The following OLA1 variants were observed in gnomAD, a reference collection of about 807,000 sequenced individuals.
OLA1 encodes the protein Obg like ATPase 1.
A neutral mutation model predicts 48.4 loss-of-function variants in OLA1; 14 were observed. That is an observed-to-expected ratio of 0.29 (90% CI 0.19 to 0.45). OLA1 has a LOEUF of 0.45. OLA1 is among the 20% of genes least tolerant of loss of function. The pLI is 1.00. For synonymous variants in OLA1, 127 were observed against 150.4 expected, an observed-to-expected ratio of 0.84 and a Z score of 1.14; for missense variants, 325 against 467.1, an observed-to-expected ratio of 0.70 and a Z score of 2.80.
intron 7 of OLA1, among the ~76,000 whole-genome samples, chr2:174,102,382 T>C (rs1386209407): frequency 6.6e-6 from 1 of 151,702 alleles, no homozygotes; most frequent in Non-Finnish European, 1.5e-5. Context: ...GGAAGAGTCA[T>C]GGCCGACAGA....
chr2:174,122,013 A>G (rs1685926138), intron 7 of OLA1, among the ~76,000 whole-genome samples: 2 of 152,218 alleles, frequency 1.3e-5, no homozygotes, highest in South Asian at 4.1e-4. Context: ...CCTAAAGGTA[A>G]CAATTTTTAA....
At chr2:174,230,114 G>C (rs568023974) in intron 2 of OLA1, among the ~76,000 whole-genome samples, 1 of 151,958 alleles carries the variant, frequency 6.6e-6, no homozygotes, top group East Asian at 1.9e-4. Context: ...CAAGTAATAC[G>C]TGCTCAGAGA....
intron 4 of OLA1, among the ~76,000 whole-genome samples, chr2:174,150,704 C>T (rs959006817): frequency 1.3e-5 from 2 of 152,168 alleles, no homozygotes. Context: ...TTGGAGAAAG[C>T]CTCCTTATAT....
chr2:174,134,889 T>A (rs1422180377), intron 5 of OLA1, among the ~76,000 whole-genome samples: 1 of 152,076 alleles, frequency 6.6e-6, no homozygotes, highest in Non-Finnish European at 1.5e-5. Context: ...GGGCCGGGCG[T>A]GGTGGCTCAT....
chr2:174,123,331 TA>T (rs1685963661), intron 6 of OLA1, 54 bp from the exon 7 acceptor site: 1 of 796,204 alleles, frequency 1.3e-6, no homozygotes, highest in Non-Finnish European at 2.0e-6. Context: ...AAATATGGAG[TA>T]AATCACTGAA....
At chr2:174,181,917 T>A (rs1168813665) in intron 4 of OLA1, among the ~76,000 whole-genome samples, 2 of 152,214 alleles carry the variant, frequency 1.3e-5, no homozygotes, top group Non-Finnish European at 2.9e-5. Context: ...TTATTGTCTA[T>A]CTCCCTCCTT....
intron 5 of OLA1, among the ~76,000 whole-genome samples, chr2:174,137,801 T>C (rs1334540067): frequency 6.6e-6 from 1 of 152,260 alleles, no homozygotes; most frequent in Non-Finnish European, 1.5e-5. Context: ...AGGACCTTGC[T>C]CTGGAATAGT....
At chr2:174,239,900 A>G (rs1355520200) in intron 2 of OLA1, among the ~76,000 whole-genome samples, 1 of 151,986 alleles carries the variant, frequency 6.6e-6, no homozygotes, top group Non-Finnish European at 1.5e-5. Flanking sequence ...TCTCAAAAAA[A>G]AAACAAAAAA....
intron 4 of OLA1, among the ~76,000 whole-genome samples, chr2:174,214,641 T>A (rs1688320575): frequency 6.6e-6 from 1 of 152,068 alleles, no homozygotes; most frequent in African/African-American, 2.4e-5. Flanking sequence ...AACACAAGAG[T>A]CTTGCCATTT....
intron 4 of OLA1, among the ~76,000 whole-genome samples, chr2:174,179,221 C>T (rs67797182): frequency 0.26 from 39,294 of 150,730 alleles, 7,217 homozygotes; most frequent in East Asian, 0.71. Context: ...AACGTGCTAA[C>T]GAAATTCCTA....
At position 174,081,239 on chromosome 2, in the gene OLA1, T is replaced by C; in HGVS notation, c.879A>G (p.Pro293=). 6.2e-7 allele frequency: 1 copy of C among 1,610,518 alleles called. No individual in the cohort carries two copies. Among genetic ancestry groups the C allele is most frequent in the South Asian group, 1.1e-5 (1 of 90,944 alleles). Residue 293 remains proline (P), a synonymous_variant, in exon 9 of 11, where the codon CCA becomes CCG. Transcript: ENST00000284719. ...LEANMTQSAL[P]KIIKAGFAAL... is the part of the protein sequence containing the mutation. ...CTGCAAACCCAGCCTTAATGATCTT[T>C]GGCAAAGCACTGAAATCAAATGAAA...
intron 4 of OLA1, among the ~76,000 whole-genome samples, chr2:174,147,574 ATTTC>A (rs1225071906): frequency 6.6e-6 from 1 of 152,192 alleles, no homozygotes; most frequent in African/African-American, 2.4e-5. Context: ...CTTCTGTATT[ATTTC>A]TTTTTCTTTC....
intron 4 of OLA1, among the ~76,000 whole-genome samples, chr2:174,221,118 C>T (rs372548175): frequency 3.7e-4 from 57 of 152,094 alleles, no homozygotes; most frequent in African/African-American, 1.3e-3. Context: ...TTCTAAGATG[C>T]GTATTTTGGC....
At chr2:174,121,217 A>G (rs1685907023) in intron 7 of OLA1, among the ~76,000 whole-genome samples, 1 of 152,226 alleles carries the variant, frequency 6.6e-6, no homozygotes, top group Non-Finnish European at 1.5e-5. Flanking sequence ...AAGCTGTAGC[A>G]GAGTGGCTGA....
intron 4 of OLA1, among the ~76,000 whole-genome samples, chr2:174,213,466 T>C (rs1330926213): frequency 1.3e-5 from 2 of 152,070 alleles, no homozygotes; most frequent in African/African-American, 2.4e-5. Context: ...GTTAAGAATC[T>C]TTACTCAGTG....
intron 7 of OLA1, among the ~76,000 whole-genome samples, chr2:174,112,414 GA>G (rs775953540): frequency 7.9e-5 from 12 of 152,190 alleles, no homozygotes; most frequent in Non-Finnish European, 1.6e-4. Context: ...GGTCAAGTGT[GA>G]AGTGTTGACT....
At chr2:174,211,230 C>T (rs1319755668) in intron 4 of OLA1, among the ~76,000 whole-genome samples, 1 of 151,886 alleles carries the variant, frequency 6.6e-6, no homozygotes, top group Non-Finnish European at 1.5e-5. Flanking sequence ...CTCTTTCTCT[C>T]ACTACACTAA....
intron 4 of OLA1, among the ~76,000 whole-genome samples, chr2:174,152,832 G>T (rs1255117163): frequency 6.6e-6 from 1 of 152,150 alleles, no homozygotes; most frequent in Non-Finnish European, 1.5e-5. Flanking sequence ...CCAGGGAAAA[G>T]TCTATTAAAA....
chr2:174,248,401 G>T, intron 1 of OLA1, 51 bp downstream of exon 1: 1 of 159,118 alleles, frequency 6.3e-6, no homozygotes. Flanking sequence ...ATGAGCCCAG[G>T]CGCCGAAGAC....
Sources: allele counts gnomAD v4.1 joint callset (sites outside exome capture counted in the v4.1 genomes callset), GRCh38; gene constraint gnomAD v4.1.1; transcripts MANE v1.5; gene names NCBI Gene and HGNC (gene_info 2026-07-23, HGNC 2026-07-21).